Variants in GNA15 observed in about 807,000 individuals in gnomAD.
GNA15 encodes the protein G protein subunit alpha 15, also known as guanine nucleotide-binding protein subunit alpha-15.
In GNA15, 23 loss-of-function variants were observed where a neutral mutation model predicts 40.1. That is an observed-to-expected ratio of 0.57 (90% CI 0.41 to 0.81). The LOEUF is 0.81. GNA15 is among the 40% of genes least tolerant of loss of function. The probability of loss-of-function intolerance (pLI) is 0.00; values close to 1 mark genes in which losing one functional copy is unlikely to be tolerated. For missense variants in GNA15, 522 were observed against 515.8 expected, an observed-to-expected ratio of 1.01 and a Z score of -0.12; for synonymous variants, 226 against 210.4, an observed-to-expected ratio of 1.07 and a Z score of -0.64.
At chr19:3,144,717 AC>A (rs1568294169) in intron 1 of GNA15, among the ~76,000 whole-genome samples, 3 of 149,492 alleles carry the variant, frequency 2.0e-5, no homozygotes, top group Admixed American at 1.3e-4. Flanking sequence ...TTTAGTAGAG[AC>A]GGGGTTTCAC....
chr19:3,153,257 TAAA>T (rs3216349), intron 4 of GNA15, among the ~76,000 whole-genome samples: 3 of 141,308 alleles, frequency 2.1e-5, no homozygotes, highest in Non-Finnish European at 1.5e-5. Flanking sequence ...TGGGAATCTT[TAAA>T]AAAAAAAAAA....
At chr19:3,160,934 CCACT>C (rs1915125989) in intron 6 of GNA15, among the ~76,000 whole-genome samples, 1 of 127,448 alleles carries the variant, frequency 7.8e-6, no homozygotes, top group African/African-American at 3.0e-5. Flanking sequence ...TTTGGTATGA[CCACT>C]TTTTTTTTTT....
At position 3,136,705 on chromosome 19, in the gene GNA15, G is replaced by T; in HGVS notation, c.145+110G>T. ...GGCTAGGTCAGACATTGGCATCGTG[G>T]AGCCGTCGCCTCCTCCCAGGGAATG... On this transcript the variant is annotated intron_variant, in intron 1 of 6. Coordinates refer to ENST00000262958, the MANE Select transcript of GNA15 (RefSeq NM_002068.4). The surrounding 1 kb of genome is among the most constrained non-coding windows in gnomAD (Gnocchi z 4.9). 1 of 970,742 alleles carries T rather than the reference G, an allele frequency of 1.0e-6. No homozygotes were observed. Among genetic ancestry groups the T allele is most frequent in the South Asian group, 1.6e-5 (1 of 60,732 alleles). 60.1% of individuals were successfully genotyped at this position (970,742 alleles called of 1,614,324 possible). A position where few individuals can be genotyped will look rare whatever the true frequency, so the allele number is the denominator to read the frequency against.
chr19:3,154,117 T>G, intron 4 of GNA15, among the ~76,000 whole-genome samples: 1 of 147,404 alleles, frequency 6.8e-6, no homozygotes, highest in African/African-American at 2.5e-5. Flanking sequence ...GATGGATGAG[T>G]GAATGAATAG....
In GNA15 at chr19:3,157,764, A is replaced by G; in HGVS notation, c.781A>G (p.Ile261Val). 2 of 1,613,988 alleles carry G rather than the reference A, an allele frequency of 1.2e-6. No individual in the cohort carries two copies. The highest frequency in any genetic ancestry group is 1.7e-6 in the Non-Finnish European group (2 of 1,179,856). Residue 261 changes from isoleucine (I) to valine (V), a missense_variant, in exon 6 of 7, where the codon ATC (isoleucine) becomes GTC (valine). Physicochemically the swap from Ile to Val is conservative, Grantham distance 29 (BLOSUM62 3). Coordinates refer to ENST00000262958, the MANE Select transcript of GNA15 (RefSeq NM_002068.4). The part of the protein sequence containing the change: ...MKESLALFGT[I>V]LELPWFKSTS... ...GGAGAGCCTCGCATTGTTTGGGACTATCCTGGAACTACCCTGGTTCAAAAG... is the reference window on the plus strand; with the variant it reads ...GGAGAGCCTCGCATTGTTTGGGACTGTCCTGGAACTACCCTGGTTCAAAAG...
At chr19:3,148,854 A>C in intron 2 of GNA15, 79 bp downstream of exon 2, 1 of 1,396,964 alleles carries the variant, frequency 7.2e-7, no homozygotes, top group South Asian at 1.4e-5. Context: ...AGCAGGGCCA[A>C]GTTCCCCAGA....
rs770857305 is a variant in GNA15 at position 3,151,867 on chromosome 19, G to C, written c.614+32G>C. ...GCTCCACCTAGGCCCAGCCTAGGGG[G>C]CAGGGAAGGCTTCCTGTAGGAAGGG... On this transcript the variant is annotated intron_variant, in intron 4 of 6. Transcript: ENST00000262958. The surrounding 1 kb of genome is among the most constrained non-coding windows in gnomAD (Gnocchi z 5.0). 2.0e-6 allele frequency: 3 copies of C among 1,535,142 alleles called. No homozygotes were observed. Among genetic ancestry groups the C allele is most frequent in the Middle Eastern group, 1.7e-4 (1 of 5,784 alleles).
chr19:3,137,868 T>A (rs528646683), intron 1 of GNA15, among the ~76,000 whole-genome samples: 1 of 150,136 alleles, frequency 6.7e-6, no homozygotes, highest in Admixed American at 6.6e-5. Context: ...GGCTGAGGCA[T>A]GAGAATCGCT....
Position 3,137,724 on chromosome 19 carries a change from G to A in GNA15, c.145+1129G>A, listed in dbSNP as rs1469265197. ...ATGAAACCAGGAGGTGGAGACTGCAGTGAGCTGAGATCATGCCACTGCACT... is the reference window on the plus strand; with the variant it reads ...ATGAAACCAGGAGGTGGAGACTGCAATGAGCTGAGATCATGCCACTGCACT... On this transcript the variant is annotated intron_variant, in intron 1 of 6. Coordinates refer to ENST00000262958, the MANE Select transcript of GNA15 (RefSeq NM_002068.4). Among the ~76,000 whole-genome samples, 3 of 152,146 alleles carry A rather than the reference G, an allele frequency of 2.0e-5. No homozygotes were observed. In the East Asian group the frequency reaches 5.8e-4, roughly 29 times the overall value.
Position 3,136,475 on chromosome 19 carries a change from T to C in GNA15, c.25T>C (p.Cys9Arg), listed in dbSNP as rs1192549861. Residue 9 changes from cysteine to arginine, a missense_variant, in exon 1 of 7, where the codon TGC (cysteine) becomes CGC (arginine). By Grantham distance (180) the Cys-to-Arg change is radical. Transcript: ENST00000262958. This position sits in a 1 kb window ranked among gnomAD's most constrained non-coding sequence, Gnocchi z 4.9. MARSLTWR[C>R]CPWCLTEDEK... ...CATGGCCCGCTCGCTGACCTGGCGC[T>C]GCTGCCCCTGGTGCCTGACGGAGGA... The C allele has an allele frequency of 1.3e-6, 2 of 1,552,246 alleles. No homozygotes were observed. Among genetic ancestry groups the C allele is most frequent in the Non-Finnish European group, 1.7e-6 (2 of 1,148,528 alleles).
At chr19:3,160,692 A>G (rs1328865544) in intron 6 of GNA15, among the ~76,000 whole-genome samples, 1 of 152,162 alleles carries the variant, frequency 6.6e-6, no homozygotes, top group African/African-American at 2.4e-5. Flanking sequence ...AACAGGAAAC[A>G]ACAGAAGTCC....
intron 1 of GNA15, among the ~76,000 whole-genome samples, chr19:3,145,028 T>C (rs1270175702): frequency 1.3e-5 from 2 of 150,894 alleles, no homozygotes; most frequent in Non-Finnish European, 2.9e-5. Flanking sequence ...AGGGTTTTTG[T>C]ATTTTTAGTA....
intron 1 of GNA15, among the ~76,000 whole-genome samples, chr19:3,140,690 A>AT (rs1914557987): frequency 1.3e-5 from 2 of 152,258 alleles, no homozygotes; most frequent in African/African-American, 4.8e-5. Context: ...TGTCTCCAGC[A>AT]TCTAGCACAG....
At chr19:3,154,286 GGTGGATGA>G (rs1914954162) in intron 4 of GNA15, among the ~76,000 whole-genome samples, 2 of 149,968 alleles carry the variant, frequency 1.3e-5, no homozygotes, top group Admixed American at 6.6e-5. Context: ...TGGATGGATG[GGTGGATGA>G]GTGGATGGAT....
In GNA15 at chr19:3,155,829, G is replaced by A. The variant is rs893362538; in HGVS notation, c.621G>A (p.Val207=). The A allele has an allele frequency of 6.2e-7, 1 of 1,613,160 alleles. No homozygotes were observed. The change falls in exon 5 of 7, where the codon GTG becomes GTA. Residue 207 remains valine, a synonymous_variant. Coordinates refer to ENST00000262958, the MANE Select transcript of GNA15 (RefSeq NM_002068.4). The surrounding 1 kb of genome is among the most constrained non-coding windows in gnomAD (Gnocchi z 5.6). ...FSVQKTNLRI[V]DVGGQKSERK... ...GCACCTCGGTTCCCTGTAGGATCGT[G>A]GACGTCGGGGGCCAGAAGTCAGAGC...
chr19:3,137,148 C>A (rs933078270), intron 1 of GNA15, among the ~76,000 whole-genome samples: 1 of 152,218 alleles, frequency 6.6e-6, no homozygotes, highest in Admixed American at 6.5e-5. Context: ...GGGTAGCTCC[C>A]AGGAACGAGG....
At chr19:3,156,313 T>G (rs545082868) in intron 5 of GNA15, among the ~76,000 whole-genome samples, 27 of 150,714 alleles carry the variant, frequency 1.8e-4, no homozygotes, top group Admixed American at 1.2e-3. Flanking sequence ...ACACACGCAG[T>G]GCACATGCAC....
At chr19:3,145,359 A>ATATATATATAGATATATAT in intron 1 of GNA15, among the ~76,000 whole-genome samples, 1 of 46,972 alleles carries the variant, frequency 2.1e-5, no homozygotes, top group Admixed American at 2.7e-4. Context: ...ATATATATAT[A>ATATATATATAGATATATAT]TTTTTTTTTT....
chr19:3,150,852 G>A (rs1421372083), intron 3 of GNA15, among the ~76,000 whole-genome samples: 1 of 151,854 alleles, frequency 6.6e-6, no homozygotes, highest in Non-Finnish European at 1.5e-5. Flanking sequence ...GTTCCCGTGA[G>A]GACCCTGTTT....
Sources: gnomAD v4.1 joint callset for allele counts (sites outside exome capture counted in the v4.1 genomes callset) on GRCh38, gnomAD v4.1.1 for gene constraint, Gnocchi (gnomAD v3.1) non-coding constraint, MANE v1.5 for transcripts, NCBI Gene and HGNC (gene_info 2026-07-23, HGNC 2026-07-21) for gene names.